Variants in SH3YL1 observed in about 807,000 individuals in gnomAD.
SH3YL1 encodes SH3 domain-containing YSC84-like protein 1.
In SH3YL1, 41 loss-of-function variants were observed where a neutral mutation model predicts 45.8. The observed-to-expected ratio is 0.89, with a 90% CI of 0.70 to 1.16. The LOEUF is 1.16. Ranked by LOEUF, SH3YL1 falls within the 50% of genes most tolerant of loss-of-function variation. The pLI, the probability that SH3YL1 is intolerant of heterozygous loss-of-function variation, is 0.00. For missense variants in SH3YL1, 389 were observed against 409.6 expected, an observed-to-expected ratio of 0.95 and a Z score of 0.43; for synonymous variants, 152 against 151.4, an observed-to-expected ratio of 1.00 and a Z score of -0.03.
intron 9 of SH3YL1, among the ~76,000 whole-genome samples, chr2:220,188 C>CAAT (rs3976788): frequency 0.39 from 56,663 of 144,370 alleles, 11,335 homozygotes; most frequent in East Asian, 0.6. Flanking sequence ...ACCCATAATA[C>CAAT]AATAATAATA....
At chr2:237,353 C>A (rs1032093740) in intron 4 of SH3YL1, among the ~76,000 whole-genome samples, 4 of 76,020 alleles carry the variant, frequency 5.3e-5, no homozygotes, top group African/African-American at 1.6e-4. Context: ...TTTGGTGACA[C>A]TACCAATTAG....
upstream of SH3YL1, chr2:264,146 A>C: frequency 4.7e-6 from 5 of 1,069,796 alleles, no homozygotes; most frequent in Non-Finnish European, 2.5e-6. Context: ...CGGGACAAAA[A>C]CCACGCGCCC....
chr2:219,754 G>A (rs1667496444), intron 9 of SH3YL1, among the ~76,000 whole-genome samples: 1 of 152,126 alleles, frequency 6.6e-6, no homozygotes, highest in Non-Finnish European at 1.5e-5. Context: ...CACTGGGCTT[G>A]AAGATTGCAG....
intron 2 of SH3YL1, among the ~76,000 whole-genome samples, chr2:250,534 T>C (rs1395973433): frequency 2.0e-5 from 3 of 152,240 alleles, no homozygotes; most frequent in African/African-American, 7.2e-5. Context: ...ATCCACTGAA[T>C]ATAGTGCCAC....
rs2103039929 is a variant in SH3YL1, at chr2:243,671, C to G, written c.291+3867G>C. 2.4e-6 allele frequency: 3 copies of G among 1,227,232 alleles called. No homozygotes were observed. In the South Asian group the frequency reaches 5.2e-5, roughly 21 times the overall value. The allele number at this position is 1,227,232 out of a possible 1,614,324, so 76.0% of individuals were successfully genotyped here. ...CAACAGCCTTGCTTGGACCTTTCCC[C>G]TTCTTTCCCTTAGTACCTTAAGTTT... On this transcript the variant is annotated intron_variant, in intron 4 of 9. Coordinates refer to ENST00000356150, the MANE Select transcript of SH3YL1 (RefSeq NM_015677.4).
intron 1 of SH3YL1, chr2:260,885 G>C (rs781245189): frequency 2.0e-5 from 3 of 151,646 alleles, no homozygotes; most frequent in Non-Finnish European, 4.4e-5. Context: ...GTAGGGAAAG[G>C]TCATGGCCTG....
chr2:241,428 C>A (rs931729604), intron 4 of SH3YL1: 1 of 151,986 alleles, frequency 6.6e-6, no homozygotes, highest in African/African-American at 2.4e-5. Context: ...GGTGCACCAA[C>A]ATATGTGTGA....
chr2:242,945 C>T (rs897713095), intron 4 of SH3YL1: 11 of 925,338 alleles, frequency 1.2e-5, no homozygotes, highest in African/African-American at 1.7e-5. Context: ...GGTCAATCAA[C>T]CAAAGAGATA....
At chr2:220,922 C>A (rs1667541316) in intron 9 of SH3YL1, among the ~76,000 whole-genome samples, 1 of 152,202 alleles carries the variant, frequency 6.6e-6, no homozygotes, top group Non-Finnish European at 1.5e-5. Flanking sequence ...AGCTACCATG[C>A]ATTTATACAC....
chr2:240,939 G>A (rs907226982), intron 4 of SH3YL1: 2 of 152,156 alleles, frequency 1.3e-5, no homozygotes, highest in Non-Finnish European at 2.9e-5. Flanking sequence ...AGCACCCAGA[G>A]TTGATACAAT....
At chr2:240,137 T>G (rs1410363073) in intron 4 of SH3YL1, 1 of 152,262 alleles carries the variant, frequency 6.6e-6, no homozygotes, top group Non-Finnish European at 1.5e-5. Flanking sequence ...AACCCATGTG[T>G]AAGTGAAGGC....
chr2:244,479 G>A (rs1195901221), intron 4 of SH3YL1: 1 of 150,112 alleles, frequency 6.7e-6, no homozygotes, highest in Non-Finnish European at 1.5e-5. Context: ...CTGGGCGACA[G>A]AGCAAGACTC....
In SH3YL1 at chr2:234,262, A is replaced by C. The variant is rs1668186391; in HGVS notation, c.302T>G (p.Leu101Trp). Reference protein sequence around the residue: ...GFEIGIEVSDLVIILNYDRAV... With the variant: ...GFEIGIEVSDWVIILNYDRAV... The stretch of plus-strand genomic sequence containing the variant: ...ACGGTCATAATTCAGAATTATCACC[A>C]AGTCTGATACCTAAAGTGTAGAAAC... Residue 101 changes from leucine to tryptophan, a missense_variant, in exon 5 of 10, where the codon TTG becomes TGG. Physicochemically the swap from Leu to Trp is moderately conservative, Grantham distance 61 (BLOSUM62 -2). Transcript: ENST00000356150. 1 of 1,611,526 alleles carries C rather than the reference A, an allele frequency of 6.2e-7. No individual in the cohort carries two copies. The highest frequency in any genetic ancestry group is 1.7e-5 in the Admixed American group (1 of 59,552).
intron 1 of SH3YL1, chr2:262,658 C>G (rs1411316521): frequency 3.1e-6 from 4 of 1,304,170 alleles, no homozygotes; most frequent in South Asian, 2.5e-5. Context: ...TGCACAGGGA[C>G]TTGTGAGGCT....
At chr2:263,653 A>G (rs1441960366) in intron 1 of SH3YL1, 2 of 311,620 alleles carry the variant, frequency 6.4e-6, no homozygotes, top group Non-Finnish European at 1.2e-5. Context: ...CAAACTTCAG[A>G]GACGCTTCTG....
At chr2:250,598 G>A (rs1016927465) in intron 2 of SH3YL1, among the ~76,000 whole-genome samples, 1 of 152,146 alleles carries the variant, frequency 6.6e-6, no homozygotes, top group Non-Finnish European at 1.5e-5. Context: ...AACGAGGGAA[G>A]CCTAACATAT....
chr2:260,014 T>C (rs747245939), intron 1 of SH3YL1: 23 of 152,160 alleles, frequency 1.5e-4, no homozygotes, highest in Non-Finnish European at 2.8e-4. Context: ...ACAAATACAT[T>C]GTAAAATACA....
chr2:226,768 T>C (rs1436900764), intron 8 of SH3YL1, among the ~76,000 whole-genome samples: 1 of 148,786 alleles, frequency 6.7e-6, no homozygotes, highest in African/African-American at 2.6e-5. Flanking sequence ...GTATATATGG[T>C]GGGGAGTGTA....
At chr2:263,927 C>G in intron 1 of SH3YL1, 57 bp downstream of exon 1, 1 of 1,414,606 alleles carries the variant, frequency 7.1e-7, no homozygotes, top group Non-Finnish European at 9.7e-7. Flanking sequence ...CTCCCACCAC[C>G]GCCCAGCTCT....
Sources: allele counts gnomAD v4.1 joint callset (sites outside exome capture counted in the v4.1 genomes callset), GRCh38; gene constraint gnomAD v4.1.1; transcripts MANE v1.5; gene names NCBI Gene and HGNC (gene_info 2026-07-23, HGNC 2026-07-21).